The following MEF2C variants were observed in gnomAD, a reference collection of about 807,000 sequenced individuals.
The protein encoded by MEF2C is myocyte enhancer factor 2C, also known as myocyte-specific enhancer factor 2C.
Under a neutral mutation model 50.5 loss-of-function variants are expected in MEF2C, and 6 were observed. The ratio of observed to expected loss-of-function variants is 0.12; its 90% CI spans 0.07 to 0.23. The LOEUF is 0.23. Among genes scored for constraint, MEF2C ranks in the 10% least tolerant of loss-of-function variants. The pLI is 1.00. For missense variants in MEF2C, 276 were observed against 605.0 expected (o/e 0.46, Z 5.70); for synonymous variants, 183 against 228.0 (o/e 0.80, Z 1.78).
chr5:88,828,360 A>T (rs775310836), intron 1 of MEF2C, among the ~76,000 whole-genome samples: 1 of 152,054 alleles, frequency 6.6e-6, no homozygotes, highest in Non-Finnish European at 1.5e-5. Context: ...GAATAATGGT[A>T]AAACATTGAA....
chr5:88,825,553 A>G, intron 1 of MEF2C: 1 of 979,868 alleles, frequency 1.0e-6, no homozygotes, highest in Non-Finnish European at 1.2e-6. Flanking sequence ...TGACAAATAC[A>G]TATAAAAATA....
Position 88,728,474 on chromosome 5 carries a change from A to G in MEF2C, c.1100+19T>C. 7.1e-7 allele frequency: 1 copy of G among 1,411,710 alleles called. No homozygotes were observed. The allele number at this position is 1,411,710 out of a possible 1,614,324, so 87.4% of individuals were successfully genotyped here. ...AAAATACATTCTAAAATTATATTAT[A>G]AAAAATAATATTGCTTACCCCAACT... On this transcript the variant is annotated intron_variant, in intron 10 of 10. Transcript: ENST00000504921.
intron 2 of MEF2C, among the ~76,000 whole-genome samples, chr5:88,817,003 C>G (rs1429884637): frequency 6.6e-6 from 1 of 151,854 alleles, no homozygotes; most frequent in Non-Finnish European, 1.5e-5. Flanking sequence ...GAAAAACTCA[C>G]AAGTCTGGAA....
At chr5:88,891,496 G>A (rs958770961) in intron 1 of MEF2C, among the ~76,000 whole-genome samples, 9 of 146,064 alleles carry the variant, frequency 6.2e-5, no homozygotes, top group Admixed American at 5.7e-4. Context: ...TCCACCTCCT[G>A]GGTTCATGCC....
At chr5:88,812,376 C>T (rs959883697) in intron 2 of MEF2C, among the ~76,000 whole-genome samples, 4 of 152,082 alleles carry the variant, frequency 2.6e-5, no homozygotes, top group Non-Finnish European at 5.9e-5. Context: ...TCTATGGATG[C>T]TCAGACTATG....
At chr5:88,900,368 A>G (rs1194896968) in intron 1 of MEF2C, among the ~76,000 whole-genome samples, 1 of 151,772 alleles carries the variant, frequency 6.6e-6, no homozygotes, top group East Asian at 1.9e-4. Flanking sequence ...ACATATACTT[A>G]TGTGTTAGTA....
chr5:88,803,013 A>G (rs1562124148), intron 3 of MEF2C, among the ~76,000 whole-genome samples: 1 of 152,196 alleles, frequency 6.6e-6, no homozygotes, highest in Non-Finnish European at 1.5e-5. Flanking sequence ...TGGAGTTTTT[A>G]GTAAATAGTT....
chr5:88,804,419 T>A (rs1404110382), intron 3 of MEF2C, 179 bp downstream of exon 3: 1 of 591,176 alleles, frequency 1.7e-6, no homozygotes, highest in Non-Finnish European at 3.0e-6. Context: ...TCACTCTAAC[T>A]TTTGAAGGGG....
At chr5:88,773,697 G>GGAGAGGCTCAGGCAGACTA (rs1783467143) in intron 3 of MEF2C, among the ~76,000 whole-genome samples, 1 of 152,178 alleles carries the variant, frequency 6.6e-6, no homozygotes, top group Admixed American at 6.5e-5. Flanking sequence ...GATATACAAT[G>GGAGAGGCTCAGGCAGACTA]GAGAGGCTCA....
chr5:88,748,666 C>T (rs1385781373), intron 6 of MEF2C: 2 of 612,798 alleles, frequency 3.3e-6, no homozygotes, highest in Non-Finnish European at 4.1e-6. Context: ...TCTTTATGTA[C>T]TCTTCTTTAG....
chr5:88,749,621 C>T (rs1407729951), intron 5 of MEF2C: 1 of 440,694 alleles, frequency 2.3e-6, no homozygotes, highest in Admixed American at 6.4e-5. Flanking sequence ...TTTCACCGGC[C>T]ACAGATTAAG....
chr5:88,891,393 C>CTTTTTTTTTTTT (rs771799863), intron 1 of MEF2C, among the ~76,000 whole-genome samples: 9 of 104,888 alleles, frequency 8.6e-5, no homozygotes, highest in African/African-American at 2.1e-4. Context: ...ACCAACCAAC[C>CTTTTTTTTTTTT]TTTTTTTTTT....
chr5:88,738,577 G>A, intron 6 of MEF2C: 2 of 976,062 alleles, frequency 2.0e-6, no homozygotes, highest in Non-Finnish European at 2.4e-6. Flanking sequence ...TATGTCCAGA[G>A]TCCATGCCCT....
chr5:88,743,548 A>T (rs928537103), intron 6 of MEF2C: 116 of 978,306 alleles, frequency 1.2e-4, no homozygotes, highest in Admixed American at 7.4e-4. Context: ...CATAAGCAAA[A>T]TTTTATGATT....
intron 2 of MEF2C, among the ~76,000 whole-genome samples, chr5:88,813,066 T>C (rs1003019452): frequency 2.0e-5 from 3 of 152,100 alleles, no homozygotes; most frequent in Admixed American, 6.6e-5. Flanking sequence ...TGAGAGCCAG[T>C]TGGTTTCTAG....
chr5:88,765,217 C>A (rs1779540063), intron 3 of MEF2C, among the ~76,000 whole-genome samples: 1 of 152,118 alleles, frequency 6.6e-6, no homozygotes, highest in South Asian at 2.1e-4. Flanking sequence ...TTGAGATATA[C>A]AAACACAAAG....
intron 3 of MEF2C, among the ~76,000 whole-genome samples, chr5:88,765,915 T>C (rs1048151510): frequency 3.9e-5 from 6 of 152,130 alleles, no homozygotes; most frequent in African/African-American, 1.4e-4. Flanking sequence ...CACGTCAGAG[T>C]GACACTGTTG....
intron 3 of MEF2C, among the ~76,000 whole-genome samples, chr5:88,765,434 A>G (rs1385580703): frequency 6.6e-6 from 1 of 152,252 alleles, no homozygotes; most frequent in East Asian, 1.9e-4. Flanking sequence ...ATGTGGAACT[A>G]TAAGAGCAGT....
At chr5:88,745,510 A>T (rs1206655420) in intron 6 of MEF2C, among the ~76,000 whole-genome samples, 2 of 152,242 alleles carry the variant, frequency 1.3e-5, no homozygotes, top group Non-Finnish European at 2.9e-5. Context: ...CAGTGTAGCA[A>T]TTAAGAGCAC....
Sources: allele counts gnomAD v4.1 joint callset (sites outside exome capture counted in the v4.1 genomes callset), GRCh38; gene constraint gnomAD v4.1.1; transcripts MANE v1.5; gene names NCBI Gene and HGNC (gene_info 2026-07-23, HGNC 2026-07-21).